Variants in ZFP91 observed in about 807,000 individuals in gnomAD.
The protein encoded by ZFP91 is ZFP91 zinc finger protein, atypical E3 ubiquitin ligase, also known as E3 ubiquitin-protein ligase ZFP91.
A neutral mutation model predicts 63.5 loss-of-function variants in ZFP91; 7 were observed. The ratio of observed to expected loss-of-function variants is 0.11; its 90% CI spans 0.06 to 0.21. The LOEUF (loss-of-function observed/expected upper bound fraction) is 0.21, where lower values mean the gene tolerates loss of function less well. Among genes scored for constraint, ZFP91 ranks in the 10% least tolerant of loss-of-function variants. The pLI is 1.00. For missense variants in ZFP91, 628 were observed against 736.6 expected (o/e 0.85, Z 1.71); for synonymous variants, 330 against 272.1 (o/e 1.21, Z -2.10).
rs183467038 is a variant in ZFP91 at position 58,590,664 on chromosome 11, A to G, written c.370+5780A>G. On this transcript the variant is annotated intron_variant, in intron 2 of 10. Coordinates refer to ENST00000316059, the MANE Select transcript of ZFP91 (RefSeq NM_053023.5). ...CTTAGGTTTTTAATTTTACTCAGCA[A>G]TGTTTTGTACTTTTCAGTGTATAGG... is the stretch of plus-strand genomic sequence containing the variant. Among the ~76,000 whole-genome samples the G allele has an allele frequency of 7.6e-4, 116 of 152,294 alleles. 1 individual carries two copies. The highest frequency in any genetic ancestry group is 2.5e-3 in the African/African-American group (104 of 41,570).
intron 2 of ZFP91, among the ~76,000 whole-genome samples, chr11:58,586,617 C>G (rs1281433872): frequency 6.6e-6 from 1 of 152,176 alleles, no homozygotes; most frequent in Non-Finnish European, 1.5e-5. Flanking sequence ...AGCTGTTCAA[C>G]TCTATGAACA....
Position 58,579,612 on chromosome 11 carries a change from C to T in ZFP91, c.331C>T (p.Pro111Ser). ...SPSPVQGKKSPRLLCIEKVTT... is the reference protein window; with the variant it reads ...SPSPVQGKKSSRLLCIEKVTT... ...GTCTCCAGTTCAGGGCAAGAAGAGT[C>T]CGCGACTCCTGTGAGTAACAGTCTT... Residue 111 changes from proline (P) to serine (S), a missense_variant, in exon 1 of 11, where the codon CCG (proline) becomes TCG (serine). Pro to Ser is a moderately conservative substitution (Grantham distance 74, BLOSUM62 -1). Transcript: ENST00000316059. The T allele has an allele frequency of 6.4e-7, 1 of 1,571,344 alleles. No homozygotes were observed.
rs147283626 is a variant in ZFP91 at position 58,593,530 on chromosome 11, A to G, written c.370+8646A>G. Among the ~76,000 whole-genome samples, 11 of 152,370 alleles carry G rather than the reference A, an allele frequency of 7.2e-5. 1 individual carries two copies. In the East Asian group the frequency reaches 2.1e-3, roughly 29 times the overall value. ...GCAAAACTGCTGCTGGAAGAGAGAA[A>G]TCAATGAATAAGCCAGATGTTGGGG... On this transcript the variant is annotated intron_variant, in intron 2 of 10. Transcript: ENST00000316059.
At chr11:58,601,367 A>G (rs1448835439) in intron 2 of ZFP91, among the ~76,000 whole-genome samples, 10 of 152,140 alleles carry the variant, frequency 6.6e-5, no homozygotes, top group South Asian at 2.1e-4. Context: ...GATTTCATCT[A>G]TGTTATTTGT....
At chr11:58,583,947 A>G (rs1855161349) in intron 1 of ZFP91, among the ~76,000 whole-genome samples, 1 of 152,026 alleles carries the variant, frequency 6.6e-6, no homozygotes. Context: ...TGTACTGTTC[A>G]GAGATACTCT....
chr11:58,580,405 G>A (rs919009292), intron 1 of ZFP91, among the ~76,000 whole-genome samples: 7 of 152,156 alleles, frequency 4.6e-5, no homozygotes, highest in Admixed American at 3.3e-4. Context: ...TAAATTGTTC[G>A]TTAAAATAAT....
chr11:58,610,218 G>T, intron 3 of ZFP91, 80 bp from the exon 4 acceptor site: 1 of 1,495,862 alleles, frequency 6.7e-7, no homozygotes, highest in South Asian at 1.2e-5. Context: ...GCAGTAATTT[G>T]ATTTGCATTT....
intron 2 of ZFP91, among the ~76,000 whole-genome samples, chr11:58,592,972 A>G (rs1020460905): frequency 1.3e-5 from 2 of 151,986 alleles, no homozygotes; most frequent in African/African-American, 2.4e-5. Context: ...AGAGGGGAGG[A>G]GGGGCTAGGC....
chr11:58,613,862 T>C (rs982271300), intron 8 of ZFP91, among the ~76,000 whole-genome samples: 2 of 152,208 alleles, frequency 1.3e-5, no homozygotes, highest in African/African-American at 2.4e-5. Context: ...GGTTCAGTTA[T>C]AACAATAGCC....
chr11:58,611,031 G>C lies in ZFP91; in HGVS notation c.699G>C (p.Glu233Asp), dbSNP rs1855652679. The C allele has an allele frequency of 1.2e-6, 2 of 1,613,100 alleles. No individual in the cohort carries two copies. Among genetic ancestry groups the C allele is most frequent in the South Asian group, 1.1e-5 (1 of 91,044 alleles). The change falls in exon 5 of 11, where the codon GAG becomes GAC. Residue 233 changes from glutamate (E) to aspartate (D), a missense_variant. Transcript: ENST00000316059. Reference protein sequence around the residue: ...EIPFKDDPRDETYKPHLERET... With the variant: ...EIPFKDDPRDDTYKPHLERET... ...CATTCAAAGATGATCCAAGAGATGA[G>C]ACCTACAAACCCCACTTAGAAAGGC...
chr11:58,585,760 G>GCT (rs1855197795), intron 2 of ZFP91, among the ~76,000 whole-genome samples: 1 of 152,086 alleles, frequency 6.6e-6, no homozygotes, highest in South Asian at 2.1e-4. Flanking sequence ...AGAATCTTAA[G>GCT]GTTTTTCTGT....
rs151169000 is a variant in ZFP91 at position 58,611,687 on chromosome 11, A to C, written c.806A>C (p.Glu269Ala). 132 of 1,612,354 alleles carry C rather than the reference A, an allele frequency of 8.2e-5. No individual in the cohort carries two copies. The highest frequency in any genetic ancestry group is 1.1e-4 in the Non-Finnish European group (131 of 1,179,142). Residue 269 changes from glutamate (E) to alanine (A), a missense_variant, in exon 6 of 11, where the codon GAG becomes GCG. Around this residue, in one of 3 missense-constraint regions of ZFP91, gnomAD observed 437 missense variants for 380.3 expected, o/e 1.15. Coordinates refer to ENST00000316059, the MANE Select transcript of ZFP91 (RefSeq NM_053023.5). ...GAAATTAAAGTGGAAGTAGAGGTGG[A>C]GGTGAAAGAAGAGGAGAATGAAATT... ...KKEIKVEVEVEVKEEENEIRE... is the reference protein window; with the variant it reads ...KKEIKVEVEVAVKEEENEIRE...
chr11:58,588,575 CA>C (rs1855250405), intron 2 of ZFP91, among the ~76,000 whole-genome samples: 1 of 151,980 alleles, frequency 6.6e-6, no homozygotes, highest in African/African-American at 2.4e-5. Context: ...TTTTATTTTT[CA>C]TGTATTGAAA....
Position 58,609,833 on chromosome 11 carries a change from C to G in ZFP91, c.374C>G (p.Pro125Arg), listed in dbSNP as rs746624759. The G allele has an allele frequency of 6.2e-7, 1 of 1,613,592 alleles. No homozygotes were observed. Among genetic ancestry groups the G allele is most frequent in the Non-Finnish European group, 8.5e-7 (1 of 1,179,720 alleles). Residue 125 changes from proline to arginine, a missense_variant, in exon 3 of 11, where the codon CCC becomes CGC. By Grantham distance (103) the Pro-to-Arg change is moderately radical (BLOSUM62 -2). Coordinates refer to ENST00000316059, the MANE Select transcript of ZFP91 (RefSeq NM_053023.5). The stretch of plus-strand genomic sequence containing the variant: ...AATGGTATGTCTTTTTATTTAGATC[C>G]CAAGGAAGAAAAAGAGGAAGAAGAC... ...CIEKVTTDKD[P>R]KEEKEEEDDS...
rs1274647548 is a variant in ZFP91 at position 58,611,403 on chromosome 11, G to T, written c.723-201G>T. 1.2e-5 allele frequency: 8 copies of T among 647,240 alleles called. No homozygotes were observed. The East Asian group carries it at 2.2e-4, about 18-fold the overall frequency. The allele number at this position is 647,240 out of a possible 1,614,324, so 40.1% of individuals were successfully genotyped here. A position where few individuals can be genotyped will look rare whatever the true frequency, so the allele number is the denominator to read the frequency against. On this transcript the variant is annotated intron_variant, in intron 5 of 10. Coordinates refer to ENST00000316059, the MANE Select transcript of ZFP91 (RefSeq NM_053023.5). ...GATTTACAGGCATCTTTAGTCTGGG[G>T]AGGGTTCATTCCATGAGCAACATAT... is the stretch of plus-strand genomic sequence containing the variant.
In ZFP91 at chr11:58,618,417, AG is replaced by A. The variant is rs1268306320; in HGVS notation, c.*716del. ...GCTTGGAAGCAGGCTCCCAATAGGG[AG>A]GGGGCTGCCCTCTACAGTCTCTTTG... is the stretch of plus-strand genomic sequence containing the variant. On this transcript the variant is annotated 3_prime_UTR_variant, in exon 11 of 11. Coordinates refer to ENST00000316059, the MANE Select transcript of ZFP91 (RefSeq NM_053023.5). 4 of 280,524 alleles carry A rather than the reference AG, an allele frequency of 1.4e-5. No individual in the cohort carries two copies. The highest frequency in any genetic ancestry group is 7.0e-6 in the Non-Finnish European group (1 of 142,754). The allele number at this position is 280,524 out of a possible 1,614,324, so 17.4% of individuals were successfully genotyped here. A position where few individuals can be genotyped will look rare whatever the true frequency, so the allele number is the denominator to read the frequency against.
At chr11:58,595,357 G>A (rs2134401092) in intron 2 of ZFP91, among the ~76,000 whole-genome samples, 1 of 152,168 alleles carries the variant, frequency 6.6e-6, no homozygotes, top group South Asian at 2.1e-4. Context: ...ACCACACCCT[G>A]TTTCACCCTA....
At chr11:58,589,009 A>G (rs1432466311) in intron 2 of ZFP91, among the ~76,000 whole-genome samples, 1 of 152,234 alleles carries the variant, frequency 6.6e-6, no homozygotes, top group Non-Finnish European at 1.5e-5. Context: ...TCTGGAAGGA[A>G]AATCTGTAGG....
Position 58,579,517 on chromosome 11 carries a change from G to A in ZFP91, c.236G>A (p.Arg79Gln). 1.9e-6 allele frequency: 3 copies of A among 1,559,920 alleles called. No homozygotes were observed. Among genetic ancestry groups the A allele is most frequent in the Non-Finnish European group, 2.6e-6 (3 of 1,158,574 alleles). The part of the protein sequence containing the change: ...SRRRKAEYPR[R>Q]RRSSPSARPP... ...CGGAGGAAGGCCGAGTATCCCCGCC[G>A]GCGGAGGAGCAGCCCCAGCGCCAGG... Residue 79 changes from arginine (R) to glutamine (Q), a missense_variant, in exon 1 of 11, where the codon CGG becomes CAG. By Grantham distance (43) the Arg-to-Gln change is conservative. This residue lies in a region of ZFP91 where 437 missense variants were observed against 380.3 expected (regional missense o/e 1.15). Coordinates refer to ENST00000316059, the MANE Select transcript of ZFP91 (RefSeq NM_053023.5).
Sources: gnomAD v4.1 joint callset for allele counts (sites outside exome capture counted in the v4.1 genomes callset) on GRCh38, gnomAD v4.1.1 for gene constraint, gnomAD v4.1.1 regional missense constraint, MANE v1.5 for transcripts, NCBI Gene and HGNC (gene_info 2026-07-23, HGNC 2026-07-21) for gene names.